The following EFCAB5 variants were observed in gnomAD, a reference collection of about 807,000 sequenced individuals.
EFCAB5 encodes EF-hand calcium-binding domain-containing protein 5.
Under a neutral mutation model 167.9 loss-of-function variants are expected in EFCAB5, and 131 were observed. The observed-to-expected ratio is 0.78, with a 90% CI of 0.68 to 0.90. The LOEUF (loss-of-function observed/expected upper bound fraction) is 0.90, where lower values mean the gene tolerates loss of function less well. Among genes scored for constraint, EFCAB5 ranks in the 40% least tolerant of loss-of-function variants. EFCAB5 has a pLI of 0.00. For synonymous variants in EFCAB5, 574 were observed against 602.8 expected (o/e 0.95, Z 0.70); for missense variants, 1,663 against 1,745.2 (o/e 0.95, Z 0.84).
At chr17:30,013,261 C>A (rs1240104563) in intron 7 of EFCAB5, among the ~76,000 whole-genome samples, 1 of 152,070 alleles carries the variant, frequency 6.6e-6, no homozygotes, top group East Asian at 1.9e-4. Context: ...GTCTAAAATT[C>A]TCTTTTTTTG....
At chr17:30,008,573 G>C (rs987599544) in intron 7 of EFCAB5, among the ~76,000 whole-genome samples, 2 of 151,398 alleles carry the variant, frequency 1.3e-5, no homozygotes, top group African/African-American at 4.9e-5. Context: ...CTGGGTGACA[G>C]AGCAAGACTC....
At chr17:29,948,263 G>C (rs2067443972) in intron 3 of EFCAB5, among the ~76,000 whole-genome samples, 1 of 152,066 alleles carries the variant, frequency 6.6e-6, no homozygotes, top group Admixed American at 6.6e-5. Flanking sequence ...TATTCCATCA[G>C]GTAATTTTTC....
chr17:30,037,485 C>T (rs1490828584), intron 8 of EFCAB5, among the ~76,000 whole-genome samples: 1 of 152,136 alleles, frequency 6.6e-6, no homozygotes, highest in Non-Finnish European at 1.5e-5. Flanking sequence ...TGGCAGGACT[C>T]TATATAAGCA....
intron 22 of EFCAB5, among the ~76,000 whole-genome samples, chr17:30,096,677 A>ATATATATATATATATT (rs1193558323): frequency 5.0e-5 from 3 of 60,122 alleles, no homozygotes; most frequent in African/African-American, 2.5e-4. Flanking sequence ...ATATATATAT[A>ATATATATATATATATT]TTTTTTTTTT....
chr17:30,006,570 A>G (rs1391129333), intron 7 of EFCAB5, among the ~76,000 whole-genome samples: 1 of 152,234 alleles, frequency 6.6e-6, no homozygotes, highest in Admixed American at 6.5e-5. Flanking sequence ...TTTCCAAATA[A>G]AAGTTTTTCT....
intron 13 of EFCAB5, 84 bp downstream of exon 13, chr17:30,057,974 C>A: frequency 2.3e-6 from 3 of 1,285,940 alleles, no homozygotes; most frequent in South Asian, 1.4e-5. Context: ...CGATGTGGCT[C>A]GTGTTAAAAA....
intron 12 of EFCAB5, among the ~76,000 whole-genome samples, chr17:30,056,538 C>G (rs1387820436): frequency 6.6e-6 from 1 of 152,136 alleles, no homozygotes; most frequent in African/African-American, 2.4e-5. Context: ...AGGGCCACAT[C>G]TAAACATATG....
At chr17:30,089,013 C>A (rs1050487369) in intron 19 of EFCAB5, among the ~76,000 whole-genome samples, 2 of 151,934 alleles carry the variant, frequency 1.3e-5, no homozygotes, top group Admixed American at 1.3e-4. Flanking sequence ...CATATGTATA[C>A]ATGTGCCATG....
At chr17:30,006,003 G>A (rs1452626225) in intron 7 of EFCAB5, among the ~76,000 whole-genome samples, 1 of 152,100 alleles carries the variant, frequency 6.6e-6, no homozygotes, top group African/African-American at 2.4e-5. Flanking sequence ...CCTGCTTCAC[G>A]ATATCCCATC....
Position 29,993,327 on chromosome 17 carries a change from A to C in EFCAB5, c.924+6A>C. ...GAATGATTCCTAAGTCAGTGGTAAG[A>C]AAATTGGGGGTATATGTGAAAGGTA... is the stretch of plus-strand genomic sequence containing the variant. On this transcript the variant is annotated splice_donor_region_variant and intron_variant, in intron 5 of 22. Transcript: ENST00000394835. 6.2e-7 allele frequency: 1 copy of C among 1,609,418 alleles called. No homozygotes were observed. Among genetic ancestry groups the C allele is most frequent in the East Asian group, 2.2e-5 (1 of 44,752 alleles).
At chr17:29,940,933 G>A (rs890358242), upstream of EFCAB5, among the ~76,000 whole-genome samples, 2 of 151,868 alleles carry the variant, frequency 1.3e-5, no homozygotes, top group East Asian at 1.9e-4. Flanking sequence ...CCAGCTACTC[G>A]GGAGGCTGAG....
intron 7 of EFCAB5, among the ~76,000 whole-genome samples, chr17:30,008,573 G>T (rs987599544): frequency 6.6e-6 from 1 of 151,398 alleles, no homozygotes; most frequent in Non-Finnish European, 1.5e-5. Flanking sequence ...CTGGGTGACA[G>T]AGCAAGACTC....
intron 3 of EFCAB5, among the ~76,000 whole-genome samples, chr17:29,967,445 C>T (rs906425177): frequency 6.6e-6 from 1 of 152,294 alleles, no homozygotes; most frequent in Non-Finnish European, 1.5e-5. Context: ...AATTAAGATA[C>T]ACAAAAAGGT....
chr17:30,043,435 A>G (rs1222922609), intron 8 of EFCAB5, among the ~76,000 whole-genome samples: 1 of 152,182 alleles, frequency 6.6e-6, no homozygotes, highest in African/African-American at 2.4e-5. Flanking sequence ...AAAACTCTGT[A>G]TTCACAGACT....
intron 6 of EFCAB5, among the ~76,000 whole-genome samples, chr17:29,997,255 A>G (rs527687496): frequency 6.6e-5 from 10 of 151,978 alleles, no homozygotes; most frequent in South Asian, 2.1e-4. Context: ...AAAAAAAAAA[A>G]AAAGAAAGAA....
In EFCAB5 at chr17:30,082,885, C is replaced by T. The variant is rs1204803161; in HGVS notation, c.3427-6C>T. On this transcript the variant is annotated splice_region_variant and splice_polypyrimidine_tract_variant and intron_variant, in intron 17 of 22. Coordinates refer to ENST00000394835, the MANE Select transcript of EFCAB5 (RefSeq NM_198529.4). ...AATAGGCTATTTGAATTTTCTGTCT[C>T]TACAGGGTGTTGCTAATGTCTTTAG... 6.2e-7 allele frequency: 1 copy of T among 1,610,712 alleles called. No individual in the cohort carries two copies. The highest frequency in any genetic ancestry group is 1.1e-5 in the South Asian group (1 of 90,560).
At chr17:29,944,502 C>T (rs2067356070) in intron 3 of EFCAB5, among the ~76,000 whole-genome samples, 1 of 152,052 alleles carries the variant, frequency 6.6e-6, no homozygotes, top group African/African-American at 2.4e-5. Flanking sequence ...TGACATCTAG[C>T]AGGCAACCCA....
chr17:29,959,767 G>A (rs955126192), intron 3 of EFCAB5, among the ~76,000 whole-genome samples: 12 of 152,030 alleles, frequency 7.9e-5, no homozygotes, highest in Admixed American at 5.9e-4. Context: ...AGTCTCTGCC[G>A]AAGCTACGAG....
At chr17:30,100,493 C>T (rs1236853287) in intron 22 of EFCAB5, among the ~76,000 whole-genome samples, 2 of 152,212 alleles carry the variant, frequency 1.3e-5, no homozygotes, top group Non-Finnish European at 2.9e-5. Context: ...TTAGGCCGGG[C>T]GTGGTGGCTC....
Sources: gnomAD v4.1 joint callset for allele counts (sites outside exome capture counted in the v4.1 genomes callset) on GRCh38, gnomAD v4.1.1 for gene constraint, MANE v1.5 for transcripts, NCBI Gene and HGNC (gene_info 2026-07-23, HGNC 2026-07-21) for gene names.